The following CISD2 variants were observed in gnomAD, a reference collection of about 807,000 sequenced individuals.
CISD2 encodes CDGSH iron-sulfur domain-containing protein 2.
In CISD2, 1 loss-of-function variant was observed where a neutral mutation model predicts 12.9. That is an observed-to-expected ratio of 0.08 (90% CI 0.03 to 0.37). The LOEUF is 0.37. CISD2 is among the 10% of genes least tolerant of loss of function. The pLI is 0.99. For synonymous variants in CISD2, 50 were observed against 60.6 expected (o/e 0.83, Z 0.81); for missense variants, 97 against 163.1 (o/e 0.59, Z 2.21).
intron 1 of CISD2, among the ~76,000 whole-genome samples, chr4:102,875,321 G>A (rs200587875): frequency 2.6e-5 from 4 of 152,136 alleles, no homozygotes; most frequent in African/African-American, 9.7e-5. Context: ...GTACCTCTGC[G>A]TTGCTTCTGT....
chr4:102,877,198 G>A (rs894288403), intron 1 of CISD2, among the ~76,000 whole-genome samples: 2 of 152,172 alleles, frequency 1.3e-5, no homozygotes, highest in African/African-American at 4.8e-5. Flanking sequence ...AAAGTCCACA[G>A]TACAGAGTCT....
intron 2 of CISD2, among the ~76,000 whole-genome samples, chr4:102,886,767 C>A (rs1733945244): frequency 7.1e-6 from 1 of 140,738 alleles, no homozygotes; most frequent in Non-Finnish European, 1.6e-5. Context: ...GGCGTATGCA[C>A]CACGCCCAGC....
chr4:102,875,195 A>G (rs966817303), intron 1 of CISD2, among the ~76,000 whole-genome samples: 6 of 152,244 alleles, frequency 3.9e-5, no homozygotes, highest in African/African-American at 1.4e-4. Flanking sequence ...TCTGCATGGA[A>G]TGAAGCTCCT....
intron 1 of CISD2, chr4:102,869,460 T>C: frequency 1.4e-6 from 1 of 703,028 alleles, no homozygotes. Context: ...GAGAAGGTGC[T>C]GAGTTGGGAA....
chr4:102,887,242 A>G, intron 2 of CISD2, 99 bp from the exon 3 acceptor site: 1 of 719,472 alleles, frequency 1.4e-6, no homozygotes, highest in South Asian at 1.6e-5. Context: ...GATTTTTTTT[A>G]GCAAGTGATA....
At position 102,888,494 on chromosome 4, in the gene CISD2, C is replaced by G. The variant is rs1734056850; in HGVS notation, c.*1064C>G. The G allele has an allele frequency of 6.6e-6, 1 of 152,210 alleles. No individual in the cohort carries two copies. The highest frequency in any genetic ancestry group is 2.4e-5 in the African/African-American group (1 of 41,456). The allele number at this position is 152,210 out of a possible 1,614,324, so 9.4% of individuals were successfully genotyped here. A position where few individuals can be genotyped will look rare whatever the true frequency, so the allele number is the denominator to read the frequency against. Reference sequence around the variant, plus strand: ...GAAAAAAGTATGCGCGTAATTGTACCCACCCAGTTCAAACCCGTGTGTAAG... The same window carrying G: ...GAAAAAAGTATGCGCGTAATTGTACGCACCCAGTTCAAACCCGTGTGTAAG... On this transcript the variant is annotated 3_prime_UTR_variant, in exon 3 of 3. Transcript: ENST00000273986.
intron 1 of CISD2, among the ~76,000 whole-genome samples, chr4:102,876,303 T>C (rs1733590250): frequency 6.6e-6 from 1 of 152,216 alleles, no homozygotes; most frequent in South Asian, 2.1e-4. Context: ...ATACCACAGA[T>C]AAACTGAATT....
At chr4:102,871,351 C>T (rs961318006) in intron 1 of CISD2, among the ~76,000 whole-genome samples, 1 of 152,138 alleles carries the variant, frequency 6.6e-6, no homozygotes, top group African/African-American at 2.4e-5. Context: ...GTAACTTCCT[C>T]TTAAAAGTTG....
chr4:102,890,865 T>C lies in CISD2; in HGVS notation c.*3435T>C, dbSNP rs1232234157. The C allele has an allele frequency of 9.4e-6, 1 of 106,148 alleles. No homozygotes were observed. Among genetic ancestry groups the C allele is most frequent in the African/African-American group, 4.4e-5 (1 of 22,630 alleles). 6.6% of individuals were successfully genotyped at this position (106,148 alleles called of 1,614,324 possible). ...TAAAAAAAAAAAAAGTCTTTTTTTTTTTTCATCTAATCAAATTTATTGTGG... is the reference window on the plus strand; with the variant it reads ...TAAAAAAAAAAAAAGTCTTTTTTTTCTTTCATCTAATCAAATTTATTGTGG... On this transcript the variant is annotated 3_prime_UTR_variant, in exon 3 of 3. Transcript: ENST00000273986.
chr4:102,887,694 A>T lies in CISD2; in HGVS notation c.*264A>T, dbSNP rs542097737. 3.2e-5 allele frequency: 9 copies of T among 284,384 alleles called. No individual in the cohort carries two copies. The East Asian group carries it at 5.4e-4, about 17-fold the overall frequency. The allele number at this position is 284,384 out of a possible 1,614,324, so 17.6% of individuals were successfully genotyped here. Reference sequence around the variant, plus strand: ...AGGAAAACCTAAATTGTGGCTATGGATCCAAAGCTGTTTGTTTCTTTGAAT... The same window carrying T: ...AGGAAAACCTAAATTGTGGCTATGGTTCCAAAGCTGTTTGTTTCTTTGAAT... On this transcript the variant is annotated 3_prime_UTR_variant, in exon 3 of 3. Coordinates refer to ENST00000273986, the MANE Select transcript of CISD2 (RefSeq NM_001008388.5).
At chr4:102,869,593 T>G in intron 1 of CISD2, 1 of 694,872 alleles carries the variant, frequency 1.4e-6, no homozygotes, top group Non-Finnish European at 2.6e-6. Context: ...AGCTACCGGC[T>G]GGGTTGTACC....
chr4:102,876,457 A>G (rs961844707), intron 1 of CISD2, among the ~76,000 whole-genome samples: 3 of 152,204 alleles, frequency 2.0e-5, no homozygotes, highest in African/African-American at 7.2e-5. Flanking sequence ...TATAAAGGTA[A>G]CTACTCAAGA....
chr4:102,879,026 G>A (rs1003475959), intron 1 of CISD2, among the ~76,000 whole-genome samples: 1 of 152,160 alleles, frequency 6.6e-6, no homozygotes, highest in African/African-American at 2.4e-5. Flanking sequence ...CCTTTTTCAC[G>A]AGGCAGGAGA....
chr4:102,879,459 T>C (rs1449208551), intron 1 of CISD2, among the ~76,000 whole-genome samples: 1 of 152,042 alleles, frequency 6.6e-6, no homozygotes, highest in Non-Finnish European at 1.5e-5. Context: ...TCCATATAGT[T>C]ACAAAACTCA....
chr4:102,869,281 G>C, intron 1 of CISD2, 94 bp downstream of exon 1: 2 of 1,490,984 alleles, frequency 1.3e-6, no homozygotes, highest in Non-Finnish European at 1.8e-6. Context: ...GCGGGACGGA[G>C]CTCGGCGCCT....
chr4:102,872,770 T>C (rs946288355), intron 1 of CISD2, among the ~76,000 whole-genome samples: 1 of 152,236 alleles, frequency 6.6e-6, no homozygotes, highest in Non-Finnish European at 1.5e-5. Flanking sequence ...AATAAAAGGT[T>C]AAACCTAATT....
In CISD2 at chr4:102,892,062, A is replaced by G. The variant is rs1734272254; in HGVS notation, c.*4632A>G. 6.6e-6 allele frequency: 1 copy of G among 152,060 alleles called. No individual in the cohort carries two copies. Among genetic ancestry groups the G allele is most frequent in the African/African-American group, 2.4e-5 (1 of 41,408 alleles). The allele number at this position is 152,060 out of a possible 1,614,324, so 9.4% of individuals were successfully genotyped here. On this transcript the variant is annotated 3_prime_UTR_variant, in exon 3 of 3. Transcript: ENST00000273986. ...TTCAGCAAGTAAACTAATTTTATCTACTTTCATATATTTTGAGACAAAGTC... is the reference window on the plus strand; with the variant it reads ...TTCAGCAAGTAAACTAATTTTATCTGCTTTCATATATTTTGAGACAAAGTC...
intron 2 of CISD2, among the ~76,000 whole-genome samples, chr4:102,886,013 ATTAT>A (rs1560906356): frequency 6.6e-6 from 1 of 152,170 alleles, no homozygotes; most frequent in Non-Finnish European, 1.5e-5. Context: ...TTGATCATAG[ATTAT>A]TTGAGGTTTT....
chr4:102,882,147 C>T (rs940335268), intron 1 of CISD2, among the ~76,000 whole-genome samples: 2 of 152,100 alleles, frequency 1.3e-5, no homozygotes, highest in Admixed American at 1.3e-4. Flanking sequence ...ACCAAGAGCA[C>T]ACCACTGCAC....
Sources: allele counts gnomAD v4.1 joint callset (sites outside exome capture counted in the v4.1 genomes callset), GRCh38; gene constraint gnomAD v4.1.1; transcripts MANE v1.5; gene names NCBI Gene and HGNC (gene_info 2026-07-23, HGNC 2026-07-21).